Variants in PCDH11Y observed in about 807,000 individuals in gnomAD.
The protein encoded by PCDH11Y is protocadherin-11 Y-linked.
For missense variants in PCDH11Y, 12 were observed against 224.8 expected, an observed-to-expected ratio of 0.05 and a Z score of 6.05; for synonymous variants, 9 against 83.6, an observed-to-expected ratio of 0.11 and a Z score of 4.87.
At chrY:5,594,851 C>A in intron 4 of PCDH11Y, among the ~76,000 whole-genome samples, 1 of 33,433 alleles carries the variant, frequency 3.0e-5, no homozygotes, top group African/African-American at 1.2e-4. Flanking sequence ...CCTATTAGAG[C>A]AAGTCAAGCC....
At chrY:5,337,849 A>G in intron 2 of PCDH11Y, 1 of 394,301 alleles carries the variant, frequency 2.5e-6, no homozygotes, top group Non-Finnish European at 3.5e-6. Context: ...CCATGTTAAT[A>G]GCCACACCTT....
chrY:5,401,791 C>G (rs2053234073), intron 2 of PCDH11Y, among the ~76,000 whole-genome samples: 1 of 33,221 alleles, frequency 3.0e-5, no homozygotes, highest in Admixed American at 2.8e-4. Context: ...CTTCCCACTA[C>G]AGCATTTAAT....
chrY:5,359,046 C>T (rs929010771), intron 2 of PCDH11Y, among the ~76,000 whole-genome samples: 1 of 3,712 alleles, frequency 2.7e-4, no homozygotes, highest in Non-Finnish European at 5.8e-4. Flanking sequence ...ACAAAACAAG[C>T]AAAAAAAAAA....
intron 2 of PCDH11Y, among the ~76,000 whole-genome samples, chrY:5,243,436 G>A: frequency 3.2e-4 from 9 of 28,507 alleles, no homozygotes; most frequent in Admixed American, 2.6e-3. Flanking sequence ...CTATAAATCC[G>A]GAGTCAGTAA....
intron 1 of PCDH11Y, among the ~76,000 whole-genome samples, chrY:5,031,360 C>G: frequency 3.1e-5 from 1 of 32,022 alleles, no homozygotes. Flanking sequence ...TGATTCATAG[C>G]CATTTATAAT....
intron 2 of PCDH11Y, among the ~76,000 whole-genome samples, chrY:5,392,503 T>C: frequency 8.9e-5 from 3 of 33,785 alleles, no homozygotes; most frequent in Non-Finnish European, 1.5e-4. Flanking sequence ...TTTGTTTCAA[T>C]TGAAAATGCC....
chrY:5,089,480 A>G, intron 1 of PCDH11Y, among the ~76,000 whole-genome samples: 1 of 32,625 alleles, frequency 3.1e-5, no homozygotes, highest in Non-Finnish European at 7.5e-5. Context: ...TGTTTTAGTG[A>G]CCAAAAATAA....
At chrY:5,731,511 C>CTT (rs2053604783) in intron 4 of PCDH11Y, among the ~76,000 whole-genome samples, 3 of 32,836 alleles carry the variant, frequency 9.1e-5, no homozygotes, top group Non-Finnish European at 2.3e-4. Flanking sequence ...GGGTCATCTC[C>CTT]TGTTAATCTA....
chrY:5,421,122 C>T, intron 2 of PCDH11Y, among the ~76,000 whole-genome samples: 6 of 31,026 alleles, frequency 1.9e-4, no homozygotes, highest in African/African-American at 6.3e-4. Context: ...TGCCTGTAAT[C>T]CCAGCTACTC....
intron 3 of PCDH11Y, among the ~76,000 whole-genome samples, chrY:5,550,386 CAAAAT>C (rs2053417652): frequency 3.0e-5 from 1 of 32,867 alleles, no homozygotes; most frequent in African/African-American, 1.2e-4. Flanking sequence ...TTTAACCACT[CAAAAT>C]AGGAAGTCAG....
chrY:5,473,561 T>C, intron 2 of PCDH11Y, among the ~76,000 whole-genome samples: 1 of 32,078 alleles, frequency 3.1e-5, no homozygotes, highest in Non-Finnish European at 7.7e-5. Flanking sequence ...CACTTATCTG[T>C]CACTGGATAT....
chrY:5,095,162 T>A, intron 1 of PCDH11Y, among the ~76,000 whole-genome samples: 1 of 33,677 alleles, frequency 3.0e-5, no homozygotes, highest in Non-Finnish European at 7.4e-5. Context: ...ATTGGATAGT[T>A]GGCTCCGAAA....
chrY:5,432,495 CA>C (rs2053269845), intron 2 of PCDH11Y, among the ~76,000 whole-genome samples: 3 of 33,139 alleles, frequency 9.1e-5, no homozygotes, highest in African/African-American at 3.5e-4. Flanking sequence ...TACAATCCAG[CA>C]ATCAAAACTC....
chrY:5,702,025 G>A, intron 4 of PCDH11Y, among the ~76,000 whole-genome samples: 1 of 33,203 alleles, frequency 3.0e-5, no homozygotes, highest in Admixed American at 2.7e-4. Context: ...CCTTTGTTTT[G>A]GCCAATGTCT....
chrY:5,202,691 A>G (rs2052928163), intron 2 of PCDH11Y, among the ~76,000 whole-genome samples: 70 of 32,668 alleles, frequency 2.1e-3, no homozygotes, highest in Non-Finnish European at 4.4e-3. Flanking sequence ...TTTTGTTAAC[A>G]TCCTGCCTCC....
At chrY:5,577,221 T>C in intron 3 of PCDH11Y, among the ~76,000 whole-genome samples, 2 of 32,745 alleles carry the variant, frequency 6.1e-5, no homozygotes, top group African/African-American at 1.2e-4. Flanking sequence ...GACTTGAAGG[T>C]GGTATCCATT....
At chrY:5,577,347 A>T in intron 3 of PCDH11Y, among the ~76,000 whole-genome samples, 1 of 32,470 alleles carries the variant, frequency 3.1e-5, no homozygotes, top group Non-Finnish European at 7.6e-5. Flanking sequence ...GAAATGGAAA[A>T]AAAAGTACAA....
At chrY:5,382,547 T>C (rs2053206259) in intron 2 of PCDH11Y, among the ~76,000 whole-genome samples, 1 of 33,045 alleles carries the variant, frequency 3.0e-5, no homozygotes, top group African/African-American at 1.2e-4. Context: ...TAAAATGAGG[T>C]GGTTCTGGCA....
At chrY:5,389,312 C>T (rs2053219336) in intron 2 of PCDH11Y, among the ~76,000 whole-genome samples, 1 of 33,433 alleles carries the variant, frequency 3.0e-5, no homozygotes. Context: ...TGAGGTCTGG[C>T]AGGAATAACA....
Sources: gnomAD v4.1 joint callset for allele counts (sites outside exome capture counted in the v4.1 genomes callset) on GRCh38, gnomAD v4.1.1 for gene constraint, MANE v1.5 for transcripts, NCBI Gene and HGNC (gene_info 2026-07-23, HGNC 2026-07-21) for gene names.